Variants in CMC1 observed in about 807,000 individuals in gnomAD.
The protein encoded by CMC1 is C-X9-C motif containing 1.
In CMC1, 14 loss-of-function variants were observed where a neutral mutation model predicts 14.1. The ratio of observed to expected loss-of-function variants is 0.99; its 90% CI spans 0.66 to 1.55. CMC1 has a LOEUF of 1.55. Ranked by LOEUF, CMC1 falls within the 40% of genes most tolerant of loss-of-function variation. The pLI is 0.00. For synonymous variants in CMC1, 50 were observed against 38.4 expected (o/e 1.30, Z -1.12); for missense variants, 127 against 123.8 (o/e 1.03, Z -0.12).
At chr3:28,276,947 A>G (rs1463916980) in intron 2 of CMC1, among the ~76,000 whole-genome samples, 3 of 152,194 alleles carry the variant, frequency 2.0e-5, no homozygotes, top group African/African-American at 7.2e-5. Context: ...ATTGTGCTTC[A>G]TTTTGTTACA....
chr3:28,320,552 C>G lies in CMC1; in HGVS notation c.*923C>G, dbSNP rs1187411358. On this transcript the variant is annotated 3_prime_UTR_variant, in exon 4 of 4. Coordinates refer to ENST00000466830, the MANE Select transcript of CMC1 (RefSeq NM_182523.2). ...GTTAAATTAGCAACTAAGTTTCCAA[C>G]ACATGAACTCTTGGGGGACACATCA... The G allele has an allele frequency of 5.3e-5, 8 of 151,598 alleles. No individual in the cohort carries two copies. In the East Asian group the frequency reaches 1.6e-3, roughly 29 times the overall value. The allele number at this position is 151,598 out of a possible 1,614,324, so 9.4% of individuals were successfully genotyped here. A position where few individuals can be genotyped will look rare whatever the true frequency, so the allele number is the denominator to read the frequency against.
At chr3:28,313,909 G>T (rs976490919) in intron 2 of CMC1, among the ~76,000 whole-genome samples, 1 of 152,170 alleles carries the variant, frequency 6.6e-6, no homozygotes, top group Admixed American at 6.5e-5. Context: ...AAGGACTGAG[G>T]TTTGGTCAAC....
chr3:28,291,481 T>C (rs935444273), intron 2 of CMC1, among the ~76,000 whole-genome samples: 1 of 152,244 alleles, frequency 6.6e-6, no homozygotes, highest in African/African-American at 2.4e-5. Context: ...TTATTAGCAC[T>C]GTTACAGATT....
Position 28,323,851 on chromosome 3 carries a change from AG to A in CMC1, c.*4225del, listed in dbSNP as rs1703273688. 2 of 527,442 alleles carry A rather than the reference AG, an allele frequency of 3.8e-6. No individual in the cohort carries two copies. The highest frequency in any genetic ancestry group is 3.8e-5 in the African/African-American group (2 of 52,450). The allele number at this position is 527,442 out of a possible 1,614,324, so 32.7% of individuals were successfully genotyped here. On this transcript the variant is annotated 3_prime_UTR_variant, in exon 4 of 4. Transcript: ENST00000466830. The stretch of plus-strand genomic sequence containing the variant: ...TCAGATTCTTAGAATATGGAGCTAG[AG>A]GGTGCTCTTTCATACTAGAAAACCA...
chr3:28,268,729 A>G (rs1458179213), intron 2 of CMC1, among the ~76,000 whole-genome samples: 1 of 152,218 alleles, frequency 6.6e-6, no homozygotes, highest in East Asian at 1.9e-4. Flanking sequence ...CTGCACATGG[A>G]CATAATAAAA....
chr3:28,281,403 C>A (rs1700887119), intron 2 of CMC1, among the ~76,000 whole-genome samples: 1 of 152,064 alleles, frequency 6.6e-6, no homozygotes, highest in Admixed American at 6.6e-5. Context: ...AAATATATTT[C>A]ATTGGAAAAA....
chr3:28,280,642 A>G (rs1700838535), intron 2 of CMC1, among the ~76,000 whole-genome samples: 1 of 152,214 alleles, frequency 6.6e-6, no homozygotes, highest in South Asian at 2.1e-4. Context: ...TCTTAAGGAA[A>G]TGATAAGAGA....
chr3:28,312,192 T>G (rs1389378473), intron 2 of CMC1, among the ~76,000 whole-genome samples: 2 of 152,190 alleles, frequency 1.3e-5, no homozygotes, highest in African/African-American at 2.4e-5. Context: ...CTTTTTGTAA[T>G]GCTAGGAGAA....
At chr3:28,282,428 A>G (rs1171065723) in intron 2 of CMC1, among the ~76,000 whole-genome samples, 1 of 152,214 alleles carries the variant, frequency 6.6e-6, no homozygotes. Context: ...TATTGTTCTT[A>G]CAGGTGTCCT....
chr3:28,275,056 A>T (rs891638955), intron 2 of CMC1, among the ~76,000 whole-genome samples: 7 of 152,008 alleles, frequency 4.6e-5, no homozygotes, highest in Admixed American at 3.3e-4. Flanking sequence ...AGCCCAGTGA[A>T]GTTTGTTATT....
Position 28,274,206 on chromosome 3 carries a change from G to GT in CMC1, c.109+10831dup, listed in dbSNP as rs1265139321. Among the ~76,000 whole-genome samples, 79 of 83,040 alleles carry GT rather than the reference G, an allele frequency of 9.5e-4. 3 individuals are homozygous for GT. Among genetic ancestry groups the GT allele is most frequent in the African/African-American group, 1.8e-3 (42 of 23,470 alleles). The allele number at this position is 83,040 out of a possible 152,430, so 54.5% of individuals were successfully genotyped here. On this transcript the variant is annotated intron_variant, in intron 2 of 3. Transcript: ENST00000466830. Reference sequence around the variant, plus strand: ...GTGTCATTGGTCTTTGTACTAAAGTGTTTTTGTTTTTTTCTTTTTTTTTTT... The same window carrying GT: ...GTGTCATTGGTCTTTGTACTAAAGTGTTTTTTGTTTTTTTCTTTTTTTTTTT...
intron 2 of CMC1, chr3:28,298,227 T>C (rs1253960550): frequency 2.0e-5 from 3 of 151,452 alleles, no homozygotes; most frequent in African/African-American, 7.3e-5. Flanking sequence ...AGGTAACTCA[T>C]ATGGCTCATT....
At chr3:28,284,323 G>T (rs182939789) in intron 2 of CMC1, among the ~76,000 whole-genome samples, 5 of 152,126 alleles carry the variant, frequency 3.3e-5, no homozygotes, top group Admixed American at 6.6e-5. Context: ...TAGATGATGA[G>T]ATTCAAATTG....
At chr3:28,287,275 A>G (rs937804019) in intron 2 of CMC1, among the ~76,000 whole-genome samples, 1 of 152,126 alleles carries the variant, frequency 6.6e-6, no homozygotes, top group African/African-American at 2.4e-5. Flanking sequence ...TTTGACTGGC[A>G]TCTTTGTCTG....
chr3:28,248,329 C>G (rs1194715690), intron 1 of CMC1, among the ~76,000 whole-genome samples: 6 of 152,290 alleles, frequency 3.9e-5, no homozygotes, highest in African/African-American at 1.4e-4. Context: ...GATTGGCCAC[C>G]TCCTCCCAGG....
At chr3:28,274,899 A>T (rs1700498786) in intron 2 of CMC1, among the ~76,000 whole-genome samples, 1 of 151,494 alleles carries the variant, frequency 6.6e-6, no homozygotes, top group Non-Finnish European at 1.5e-5. Flanking sequence ...TCAGCTATTT[A>T]TACTTGTTGC....
chr3:28,244,001 G>A (rs143751277), intron 1 of CMC1, among the ~76,000 whole-genome samples: 1 of 152,290 alleles, frequency 6.6e-6, no homozygotes, highest in African/African-American at 2.4e-5. Flanking sequence ...TTGGCCATCA[G>A]GTAGCAAATA....
chr3:28,324,212 T>C lies in CMC1; in HGVS notation c.*4583T>C, dbSNP rs1703293936. 1 of 1,610,576 alleles carries C rather than the reference T, an allele frequency of 6.2e-7. No homozygotes were observed. Among genetic ancestry groups the C allele is most frequent in the African/African-American group, 1.3e-5 (1 of 74,602 alleles). ...TCCAGAGAATTTCTGCCATAAGAAC[T>C]GTGTTCCTGAAAGCATGTACCATCA... On this transcript the variant is annotated 3_prime_UTR_variant, in exon 4 of 4. Coordinates refer to ENST00000466830, the MANE Select transcript of CMC1 (RefSeq NM_182523.2).
intron 2 of CMC1, among the ~76,000 whole-genome samples, chr3:28,284,243 G>A (rs1373311260): frequency 6.6e-6 from 1 of 152,126 alleles, no homozygotes; most frequent in Admixed American, 6.5e-5. Context: ...TACTGCTTCC[G>A]TGATTAAGGC....
Sources: gnomAD v4.1 joint callset for allele counts (sites outside exome capture counted in the v4.1 genomes callset) on GRCh38, gnomAD v4.1.1 for gene constraint, MANE v1.5 for transcripts, NCBI Gene and HGNC (gene_info 2026-07-23, HGNC 2026-07-21) for gene names.